WWOX: variants seen among roughly 807,000 people sequenced by gnomAD.
WWOX encodes WW domain containing oxidoreductase.
In WWOX, 69 loss-of-function variants were observed where a neutral mutation model predicts 46.2. That is an observed-to-expected ratio of 1.49 (90% CI 1.23 to 1.82). The LOEUF (loss-of-function observed/expected upper bound fraction) is 1.82, where lower values mean the gene tolerates loss of function less well. Ranked by LOEUF, WWOX falls within the 40% of genes most tolerant of loss-of-function variation. The pLI, the probability that WWOX is intolerant of heterozygous loss-of-function variation, is 0.00. For synonymous variants in WWOX, 359 were observed against 202.6 expected (o/e 1.77, Z -6.56); for missense variants, 919 against 542.6 (o/e 1.69, Z -6.89).
At chr16:78,299,647 C>T (rs2080005637) in intron 5 of WWOX, among the ~76,000 whole-genome samples, 1 of 151,898 alleles carries the variant, frequency 6.6e-6, no homozygotes, top group African/African-American at 2.4e-5. Flanking sequence ...CCCACCTCAG[C>T]CTCCCAAGTA....
At chr16:79,167,769 G>A (rs7203399) in intron 8 of WWOX, among the ~76,000 whole-genome samples, 89,140 of 152,122 alleles carry the variant, frequency 0.59, 27,234 homozygotes, top group East Asian at 0.88. Flanking sequence ...GTAATATACA[G>A]TTAACCATTT....
intron 6 of WWOX, among the ~76,000 whole-genome samples, chr16:78,412,903 T>C (rs941576534): frequency 1.3e-5 from 2 of 152,200 alleles, no homozygotes. Context: ...CAAGTGAATG[T>C]CCTTTTTTCT....
intron 5 of WWOX, among the ~76,000 whole-genome samples, chr16:78,315,013 C>T (rs1345790341): frequency 6.6e-6 from 1 of 152,196 alleles, no homozygotes; most frequent in African/African-American, 2.4e-5. Context: ...CTGATACTTC[C>T]TCAGCATTTC....
rs770463813 is a variant in WWOX, at chr16:79,045,780, C to CTTTTTTTTTTTTT, written c.1057-165801_1057-165789dup. On this transcript the variant is annotated intron_variant, in intron 8 of 8. Coordinates refer to ENST00000566780, the MANE Select transcript of WWOX (RefSeq NM_016373.4). ...AGCTCGTCTTTCCTTTTTTCTTTTC[C>CTTTTTTTTTTTTT]TTTTTTTTTTTTTTTTTTTTTTTTT... Among the ~76,000 whole-genome samples the CTTTTTTTTTTTTT allele has an allele frequency of 1.1e-3, 61 of 54,242 alleles. 8 individuals are homozygous for CTTTTTTTTTTTTT. Among genetic ancestry groups the CTTTTTTTTTTTTT allele is most frequent in the Non-Finnish European group, 1.9e-3 (47 of 25,366 alleles). The allele number at this position is 54,242 out of a possible 152,430, so 35.6% of individuals were successfully genotyped here.
intron 5 of WWOX, among the ~76,000 whole-genome samples, chr16:78,363,345 C>G (rs2081454433): frequency 6.6e-6 from 1 of 151,886 alleles, no homozygotes. Flanking sequence ...GCGATGACAG[C>G]CCACTCCAGC....
chr16:78,928,889 A>C (rs1010157873), intron 8 of WWOX, among the ~76,000 whole-genome samples: 1 of 152,192 alleles, frequency 6.6e-6, no homozygotes, highest in Non-Finnish European at 1.5e-5. Flanking sequence ...CTTCGAGTTA[A>C]ATTTACAGTA....
At chr16:78,972,095 T>C (rs2046482315) in intron 8 of WWOX, among the ~76,000 whole-genome samples, 1 of 152,104 alleles carries the variant, frequency 6.6e-6, no homozygotes, top group African/African-American at 2.4e-5. Flanking sequence ...AGCCCAGACC[T>C]CTCAGGAAAG....
chr16:78,721,996 C>G (rs540460586), intron 8 of WWOX, among the ~76,000 whole-genome samples: 108 of 152,316 alleles, frequency 7.1e-4, no homozygotes, highest in Non-Finnish European at 9.6e-4. Flanking sequence ...AAATTAGCAT[C>G]CAGGCACTTT....
chr16:78,918,881 T>C (rs1334312336), intron 8 of WWOX, among the ~76,000 whole-genome samples: 1 of 152,208 alleles, frequency 6.6e-6, no homozygotes, highest in African/African-American at 2.4e-5. Flanking sequence ...CTTTCTCTTG[T>C]CTTTTCTGAG....
rs1421386856 is a variant in WWOX at position 78,461,661 on chromosome 16, C to T, written c.1056+28909C>T. Among the ~76,000 whole-genome samples the T allele has an allele frequency of 2.0e-5, 3 of 152,208 alleles. No individual in the cohort carries two copies. In the East Asian group the frequency reaches 5.8e-4, roughly 29 times the overall value. On this transcript the variant is annotated intron_variant, in intron 8 of 8. Coordinates refer to ENST00000566780, the MANE Select transcript of WWOX (RefSeq NM_016373.4). ...GCACAGCTCAAAAACCCTCACAGGT[C>T]ACGCCTGAATACCTTCAATGTGCCC... is the stretch of plus-strand genomic sequence containing the variant.
In WWOX at chr16:78,728,048, C is replaced by CCT. The variant is rs1555524548; in HGVS notation, c.1056+295296_1056+295297insCT. 4.2e-4 allele frequency among the ~76,000 whole-genome samples: 38 copies of CCT among 89,482 alleles called. No individual in the cohort carries two copies. The East Asian group carries it at 7.1e-3, about 17-fold the overall frequency. 58.7% of individuals were successfully genotyped at this position (89,482 alleles called of 152,430 possible). ...AACTCCCTTCCTCTTTCCTCTCTCC[C>CCT]TCCTTCCTTTTTTTTTTTTTTTTTT... is the stretch of plus-strand genomic sequence containing the variant. On this transcript the variant is annotated intron_variant, in intron 8 of 8. Transcript: ENST00000566780.
chr16:79,030,235 A>G (rs575089563), intron 8 of WWOX, among the ~76,000 whole-genome samples: 6 of 152,222 alleles, frequency 3.9e-5, no homozygotes, highest in Non-Finnish European at 7.3e-5. Flanking sequence ...TACTTAGGAA[A>G]ACTTTTATGA....
At chr16:78,928,907 C>G (rs970269615) in intron 8 of WWOX, among the ~76,000 whole-genome samples, 4 of 152,168 alleles carry the variant, frequency 2.6e-5, no homozygotes, top group Admixed American at 2.6e-4. Flanking sequence ...GTATTTTCCC[C>G]TAACAATAAC....
chr16:78,648,040 C>G (rs1223046750), intron 8 of WWOX, among the ~76,000 whole-genome samples: 1 of 152,130 alleles, frequency 6.6e-6, no homozygotes, highest in Non-Finnish European at 1.5e-5. Context: ...TATCTGTACC[C>G]CACACTTACT....
At chr16:78,899,125 T>A (rs2044767211) in intron 8 of WWOX, 1 of 152,154 alleles carries the variant, frequency 6.6e-6, no homozygotes, top group Admixed American at 6.5e-5. Context: ...TAGGACAGTG[T>A]TGAACAGAGG....
intron 8 of WWOX, among the ~76,000 whole-genome samples, chr16:78,924,331 CTTTG>C (rs1181185646): frequency 6.6e-6 from 1 of 152,108 alleles, no homozygotes; most frequent in African/African-American, 2.4e-5. Flanking sequence ...TGCTTTTAAA[CTTTG>C]TTTGAAAAAT....
At chr16:78,357,453 AT>A (rs375667978) in intron 5 of WWOX, among the ~76,000 whole-genome samples, 35 of 152,262 alleles carry the variant, frequency 2.3e-4, no homozygotes, top group African/African-American at 7.9e-4. Flanking sequence ...TGAATGATTG[AT>A]TGAATCAACC....
intron 8 of WWOX, among the ~76,000 whole-genome samples, chr16:78,539,267 G>A (rs568487285): frequency 6.6e-6 from 1 of 152,222 alleles, no homozygotes; most frequent in African/African-American, 2.4e-5. Flanking sequence ...AAAATCACAG[G>A]AATCTGCGTG....
At chr16:78,218,427 T>C (rs933318221) in intron 5 of WWOX, among the ~76,000 whole-genome samples, 3 of 152,034 alleles carry the variant, frequency 2.0e-5, no homozygotes, top group Non-Finnish European at 2.9e-5. Flanking sequence ...TTCATGTAAA[T>C]GTGTGTATGA....
Sources: gnomAD v4.1 joint callset for allele counts (sites outside exome capture counted in the v4.1 genomes callset) on GRCh38, gnomAD v4.1.1 for gene constraint, MANE v1.5 for transcripts, NCBI Gene and HGNC (gene_info 2026-07-23, HGNC 2026-07-21) for gene names.